The following RNLS variants were observed in gnomAD, a reference collection of about 807,000 sequenced individuals.
The protein encoded by RNLS is renalase.
Under a neutral mutation model 39.8 loss-of-function variants are expected in RNLS, and 39 were observed. The observed-to-expected ratio is 0.98, with a 90% CI of 0.76 to 1.28. The LOEUF is 1.28. Among genes scored for constraint, RNLS ranks in the 50% most tolerant of loss-of-function variants. The pLI is 0.00. For missense variants in RNLS, 410 were observed against 413.3 expected (o/e 0.99, Z 0.07); for synonymous variants, 147 against 150.7 (o/e 0.98, Z 0.18).
At chr10:88,387,555 G>C (rs987482668) in intron 4 of RNLS, among the ~76,000 whole-genome samples, 7 of 148,784 alleles carry the variant, frequency 4.7e-5, no homozygotes, top group African/African-American at 9.9e-5. Context: ...GGTGGAGACT[G>C]AGACAAAAAT....
intron 4 of RNLS, among the ~76,000 whole-genome samples, chr10:88,497,389 C>T (rs113406217): frequency 8.6e-5 from 13 of 151,802 alleles, no homozygotes; most frequent in African/African-American, 1.4e-4. Context: ...ATTTATAATG[C>T]CTTGATTTTG....
intron 4 of RNLS, among the ~76,000 whole-genome samples, chr10:88,390,833 A>G (rs967778232): frequency 6.6e-6 from 1 of 152,220 alleles, no homozygotes; most frequent in Non-Finnish European, 1.5e-5. Flanking sequence ...GTTAGATTTT[A>G]CTGTCCCACC....
intron 4 of RNLS, among the ~76,000 whole-genome samples, chr10:88,532,074 A>T (rs915966842): frequency 1.3e-5 from 2 of 152,094 alleles, no homozygotes; most frequent in Non-Finnish European, 2.9e-5. Context: ...TTAGGTCATT[A>T]AAGTCATTCT....
At chr10:88,528,491 T>C (rs1254817564) in intron 4 of RNLS, among the ~76,000 whole-genome samples, 3 of 152,050 alleles carry the variant, frequency 2.0e-5, no homozygotes, top group Non-Finnish European at 4.4e-5. Flanking sequence ...CCCTGGATGA[T>C]AATGAAAGAT....
chr10:88,409,846 C>A (rs1853548142), intron 4 of RNLS, among the ~76,000 whole-genome samples: 2 of 152,002 alleles, frequency 1.3e-5, no homozygotes, highest in African/African-American at 4.8e-5. Flanking sequence ...CTCTGTGTTG[C>A]ATATAATAAA....
intron 4 of RNLS, among the ~76,000 whole-genome samples, chr10:88,541,545 C>T (rs1848042493): frequency 6.6e-6 from 1 of 152,122 alleles, no homozygotes. Context: ...AAATAAGAAG[C>T]ACATGAACCT....
chr10:88,245,832 G>A, the RNLS span, among the ~76,000 whole-genome samples: 16 of 152,094 alleles, frequency 1.1e-4, no homozygotes, highest in South Asian at 2.1e-4. Flanking sequence ...TTGCAAAACC[G>A]AAGGCTTGAT....
intron 4 of RNLS, among the ~76,000 whole-genome samples, chr10:88,403,371 A>C (rs535506987): frequency 2.4e-4 from 36 of 152,226 alleles, no homozygotes; most frequent in African/African-American, 8.7e-4. Flanking sequence ...GATGGTGTAC[A>C]TGGTAAATAG....
intron 4 of RNLS, among the ~76,000 whole-genome samples, chr10:88,479,551 A>T (rs1844027563): frequency 6.6e-6 from 1 of 152,024 alleles, no homozygotes; most frequent in Admixed American, 6.6e-5. Context: ...CAATTTTAGA[A>T]ATATCAGTAT....
At chr10:88,222,390 T>A in the RNLS span, among the ~76,000 whole-genome samples, 4 of 152,154 alleles carry the variant, frequency 2.6e-5, no homozygotes, top group African/African-American at 4.8e-5. Flanking sequence ...CTCCTTGGAG[T>A]CTGGGAGGAG....
intron 4 of RNLS, chr10:88,545,420 C>CG: frequency 2.2e-6 from 1 of 455,346 alleles, no homozygotes; most frequent in Non-Finnish European, 4.4e-6. Context: ...CTCACAATCA[C>CG]GGTGGAAGAC....
chr10:88,379,942 T>G (rs1441398418), intron 4 of RNLS, among the ~76,000 whole-genome samples: 1 of 152,148 alleles, frequency 6.6e-6, no homozygotes, highest in Non-Finnish European at 1.5e-5. Flanking sequence ...TCCAGTCACC[T>G]CCCAGCTTTT....
chr10:88,357,503 C>T (rs1366921552), intron 5 of RNLS, among the ~76,000 whole-genome samples: 2 of 152,158 alleles, frequency 1.3e-5, no homozygotes, highest in African/African-American at 2.4e-5. Context: ...TTCTAGGTGG[C>T]AACTACTTAT....
intron 5 of RNLS, among the ~76,000 whole-genome samples, chr10:88,331,728 C>T (rs1447556390): frequency 1.3e-5 from 2 of 152,108 alleles, no homozygotes; most frequent in African/African-American, 2.4e-5. Flanking sequence ...GTTGATGATA[C>T]GTTTGCCCTT....
chr10:88,300,789 T>C (rs1438976749), intron 6 of RNLS, among the ~76,000 whole-genome samples: 1 of 152,350 alleles, frequency 6.6e-6, no homozygotes, highest in African/African-American at 2.4e-5. Context: ...AAGATGAGTA[T>C]ATAGTATTAA....
At chr10:88,460,354 T>C (rs921380147) in intron 4 of RNLS, among the ~76,000 whole-genome samples, 20 of 152,166 alleles carry the variant, frequency 1.3e-4, no homozygotes, top group African/African-American at 4.6e-4. Context: ...TCTGTACATT[T>C]GTAGTTCCTT....
intron 4 of RNLS, among the ~76,000 whole-genome samples, chr10:88,534,302 C>T (rs1847616533): frequency 6.6e-6 from 1 of 152,046 alleles, no homozygotes; most frequent in African/African-American, 2.4e-5. Flanking sequence ...CCCTTGGCTC[C>T]CCTGTGTAGC....
chr10:88,557,946 G>A (rs575642920), intron 4 of RNLS, among the ~76,000 whole-genome samples: 8 of 151,950 alleles, frequency 5.3e-5, no homozygotes, highest in East Asian at 1.9e-4. Context: ...TTCTGTTATC[G>A]AAGAACTCTA....
intron 4 of RNLS, among the ~76,000 whole-genome samples, chr10:88,465,697 C>G (rs1843163216): frequency 6.6e-6 from 1 of 152,042 alleles, no homozygotes; most frequent in South Asian, 2.1e-4. Flanking sequence ...GTATTGTTGA[C>G]AAAGAGCCTA....
Sources: gnomAD v4.1 joint callset for allele counts (sites outside exome capture counted in the v4.1 genomes callset) on GRCh38, gnomAD v4.1.1 for gene constraint, MANE v1.5 for transcripts, NCBI Gene and HGNC (gene_info 2026-07-23, HGNC 2026-07-21) for gene names.